The following DLGAP4 variants were observed in gnomAD, a reference collection of about 807,000 sequenced individuals.
DLGAP4 encodes disks large-associated protein 4.
A neutral mutation model predicts 86.9 loss-of-function variants in DLGAP4; 18 were observed. That is an observed-to-expected ratio of 0.21 (90% CI 0.14 to 0.31). The LOEUF (loss-of-function observed/expected upper bound fraction) is 0.31, where lower values mean the gene tolerates loss of function less well. DLGAP4 is among the 10% of genes least tolerant of loss of function. The probability of loss-of-function intolerance (pLI) is 1.00; values close to 1 mark genes in which losing one functional copy is unlikely to be tolerated. For synonymous variants in DLGAP4, 548 were observed against 574.3 expected (o/e 0.95, Z 0.65); for missense variants, 1,085 against 1,362.6 (o/e 0.80, Z 3.21).
intron 2 of DLGAP4, among the ~76,000 whole-genome samples, chr20:36,370,141 C>G (rs1275634033): frequency 1.3e-5 from 2 of 152,110 alleles, no homozygotes; most frequent in Non-Finnish European, 2.9e-5. Context: ...TGTGTGCAGT[C>G]ATAGGCAGCA....
intron 1 of DLGAP4, among the ~76,000 whole-genome samples, chr20:36,335,746 T>A (rs2065315286): frequency 6.6e-6 from 1 of 152,156 alleles, no homozygotes; most frequent in Non-Finnish European, 1.5e-5. Flanking sequence ...CCTCCCTTCA[T>A]CTTTTGCCCA....
At chr20:36,403,662 TG>T (rs1232867370) in intron 2 of DLGAP4, among the ~76,000 whole-genome samples, 1 of 152,260 alleles carries the variant, frequency 6.6e-6, no homozygotes, top group African/African-American at 2.4e-5. Context: ...GCTTATCTAT[TG>T]CTGCAAAACA....
chr20:36,310,849 G>A (rs1479307970), intron 1 of DLGAP4, among the ~76,000 whole-genome samples: 1 of 152,134 alleles, frequency 6.6e-6, no homozygotes, highest in African/African-American at 2.4e-5. Context: ...AAACTCACTG[G>A]GCATCTTTGA....
intron 2 of DLGAP4, among the ~76,000 whole-genome samples, chr20:36,411,862 G>C (rs73905354): frequency 2.6e-4 from 40 of 152,136 alleles, no homozygotes; most frequent in African/African-American, 9.6e-4. Flanking sequence ...TTTATGAAAC[G>C]CTCTTCCCTG....
chr20:36,400,153 G>C (rs982471716), intron 2 of DLGAP4, among the ~76,000 whole-genome samples: 1 of 152,210 alleles, frequency 6.6e-6, no homozygotes, highest in Non-Finnish European at 1.5e-5. Flanking sequence ...TTTTTACCCA[G>C]TTTTAATATA....
chr20:36,417,225 C>T (rs1036232401), intron 2 of DLGAP4, among the ~76,000 whole-genome samples: 3 of 151,944 alleles, frequency 2.0e-5, no homozygotes, highest in African/African-American at 4.8e-5. Flanking sequence ...TAGAGGCAGC[C>T]GAGTATGTGA....
chr20:36,428,297 T>C (rs1264039110), intron 2 of DLGAP4, among the ~76,000 whole-genome samples: 1 of 152,248 alleles, frequency 6.6e-6, no homozygotes, highest in East Asian at 1.9e-4. Flanking sequence ...CCAGTCGCAC[T>C]AGCTGCATGT....
intron 8 of DLGAP4, chr20:36,498,069 T>A (rs1600656604): frequency 6.6e-6 from 1 of 152,218 alleles, no homozygotes; most frequent in East Asian, 1.9e-4. Flanking sequence ...AAGGGACTCC[T>A]CCAGCCACCC....
At chr20:36,319,942 GC>G (rs200768890) in intron 1 of DLGAP4, among the ~76,000 whole-genome samples, 1,742 of 151,560 alleles carry the variant, frequency 0.011, 13 homozygotes, top group Middle Eastern at 0.037. Context: ...TGGATTCAAG[GC>G]CCCCTCCCCC....
At chr20:36,423,861 G>A (rs1308233116) in intron 2 of DLGAP4, among the ~76,000 whole-genome samples, 1 of 151,980 alleles carries the variant, frequency 6.6e-6, no homozygotes, top group Non-Finnish European at 1.5e-5. Context: ...TCGGGAGGCT[G>A]AGGCGGGAGA....
chr20:36,409,850 G>A (rs1221002698), intron 2 of DLGAP4, among the ~76,000 whole-genome samples: 5 of 151,600 alleles, frequency 3.3e-5, no homozygotes, highest in East Asian at 1.9e-4. Context: ...TGGCTAACAC[G>A]GTGAAACCCC....
intron 11 of DLGAP4, among the ~76,000 whole-genome samples, chr20:36,525,203 C>T (rs1475476897): frequency 4.0e-5 from 4 of 98,786 alleles, no homozygotes; most frequent in African/African-American, 1.2e-4. Context: ...GGTGACAGAG[C>T]GAGACTCCGT....
chr20:36,467,068 C>CG (rs2034444441), intron 7 of DLGAP4, among the ~76,000 whole-genome samples: 1 of 137,508 alleles, frequency 7.3e-6, no homozygotes, highest in Non-Finnish European at 1.6e-5. Flanking sequence ...CTCTCTCCCC[C>CG]CCCCTTCTCT....
chr20:36,317,223 T>TTTTCTTTC (rs1229773592), intron 1 of DLGAP4, among the ~76,000 whole-genome samples: 64 of 93,764 alleles, frequency 6.8e-4, no homozygotes, highest in African/African-American at 8.4e-4. Flanking sequence ...TCCTCTCCTT[T>TTTTCTTTC]TTTCTTTCTT....
At chr20:36,497,674 G>A (rs749392126) in intron 8 of DLGAP4, 19 of 982,698 alleles carry the variant, frequency 1.9e-5, no homozygotes, top group Non-Finnish European at 2.3e-5. Context: ...CCCTCCATGG[G>A]ATAGGGTCCA....
At chr20:36,479,970 C>T (rs2035113154) in intron 7 of DLGAP4, among the ~76,000 whole-genome samples, 1 of 152,140 alleles carries the variant, frequency 6.6e-6, no homozygotes, top group East Asian at 1.9e-4. Context: ...TTAGGCTCCT[C>T]AGGCAATTGT....
chr20:36,447,517 T>C (rs1288020552), intron 7 of DLGAP4, among the ~76,000 whole-genome samples: 5 of 152,084 alleles, frequency 3.3e-5, no homozygotes, highest in Non-Finnish European at 5.9e-5. Flanking sequence ...GCCTCCCAGG[T>C]TCAAGCAATT....
intron 7 of DLGAP4, among the ~76,000 whole-genome samples, chr20:36,494,274 T>C (rs1485234093): frequency 6.6e-6 from 1 of 152,196 alleles, no homozygotes; most frequent in Admixed American, 6.5e-5. Flanking sequence ...TCCAGTTCCC[T>C]GGGCTTAACA....
intron 2 of DLGAP4, among the ~76,000 whole-genome samples, chr20:36,391,282 C>T (rs931051299): frequency 1.3e-5 from 2 of 152,224 alleles, no homozygotes; most frequent in Non-Finnish European, 2.9e-5. Flanking sequence ...GCTGCCAGCA[C>T]AGCTGAAAGC....
Sources: gnomAD v4.1 joint callset for allele counts (sites outside exome capture counted in the v4.1 genomes callset) on GRCh38, gnomAD v4.1.1 for gene constraint, MANE v1.5 for transcripts, NCBI Gene and HGNC (gene_info 2026-07-23, HGNC 2026-07-21) for gene names.